Variants in CSMD1 observed in about 807,000 individuals in gnomAD.
The protein encoded by CSMD1 is CUB and sushi domain-containing protein 1.
A neutral mutation model predicts 417.5 loss-of-function variants in CSMD1; 213 were observed. The ratio of observed to expected loss-of-function variants is 0.51; its 90% CI spans 0.46 to 0.57. CSMD1 has a LOEUF of 0.57. Among genes scored for constraint, CSMD1 ranks in the 20% least tolerant of loss-of-function variants. The probability of loss-of-function intolerance (pLI) is 0.00; values close to 1 mark genes in which losing one functional copy is unlikely to be tolerated. For missense variants in CSMD1, 6,923 were observed against 4,529.7 expected (o/e 1.53, Z -15.17); for synonymous variants, 2,862 against 1,736.8 (o/e 1.65, Z -16.11).
intron 2 of CSMD1, among the ~76,000 whole-genome samples, chr8:4,476,253 T>C (rs191064959): frequency 2.6e-5 from 4 of 152,290 alleles, no homozygotes; most frequent in East Asian, 1.9e-4. Context: ...GAAGATATTA[T>C]ACTTTTTATT....
At chr8:3,672,695 T>C (rs1032078959) in intron 7 of CSMD1, among the ~76,000 whole-genome samples, 3 of 152,158 alleles carry the variant, frequency 2.0e-5, no homozygotes, top group African/African-American at 7.2e-5. Flanking sequence ...CTGTCTCCAG[T>C]GATGGGCATG....
intron 46 of CSMD1, among the ~76,000 whole-genome samples, chr8:3,099,476 TTA>T (rs1815578236): frequency 6.6e-6 from 1 of 152,196 alleles, no homozygotes; most frequent in African/African-American, 2.4e-5. Context: ...TAGGCTGACC[TTA>T]TACTAACAAA....
At position 4,481,970 on chromosome 8, in the gene CSMD1, C is replaced by T. The variant is rs1801122959; in HGVS notation, c.303-61905G>A. Among the ~76,000 whole-genome samples, 3 of 152,112 alleles carry T rather than the reference C, an allele frequency of 2.0e-5. No homozygotes were observed. In the South Asian group the frequency reaches 6.2e-4, roughly 31 times the overall value. On this transcript the variant is annotated intron_variant, in intron 2 of 69. Transcript: ENST00000635120. ...CTTTATGATCCATTACTCTTAGCTG[C>T]TATATTATATAGGCTTTATCAGTAC...
chr8:4,676,907 G>C (rs978495234), intron 1 of CSMD1, among the ~76,000 whole-genome samples: 1 of 147,944 alleles, frequency 6.8e-6, no homozygotes, highest in South Asian at 2.1e-4. Flanking sequence ...AGATATACAG[G>C]AATTTTATAT....
intron 7 of CSMD1, among the ~76,000 whole-genome samples, chr8:3,660,580 G>T: frequency 7.9e-6 from 1 of 126,126 alleles, no homozygotes; most frequent in African/African-American, 3.0e-5. Context: ...GAGTGCAGTG[G>T]TGCAATCTCA....
intron 3 of CSMD1, among the ~76,000 whole-genome samples, chr8:4,316,430 G>C (rs888374982): frequency 2.1e-4 from 32 of 152,250 alleles, no homozygotes; most frequent in African/African-American, 7.2e-4. Context: ...ATATTAGGTT[G>C]ATGTGAAATA....
chr8:3,643,440 C>T (rs953216783), intron 7 of CSMD1, among the ~76,000 whole-genome samples: 2 of 152,110 alleles, frequency 1.3e-5, no homozygotes, highest in African/African-American at 4.8e-5. Context: ...CCGTGGCTCA[C>T]GCCTGTAATC....
chr8:2,938,881 A>G (rs1801672966), intron 69 of CSMD1, 137 bp from the exon 70 acceptor site: 1 of 628,912 alleles, frequency 1.6e-6, no homozygotes, highest in Admixed American at 3.0e-5. Context: ...GAAGGCATCC[A>G]CACCTGCACA....
At chr8:4,881,089 C>A (rs1803367337) in intron 1 of CSMD1, among the ~76,000 whole-genome samples, 1 of 152,006 alleles carries the variant, frequency 6.6e-6, no homozygotes, top group Non-Finnish European at 1.5e-5. Flanking sequence ...CTACTCCAGC[C>A]CACATTGTTC....
chr8:3,266,668 A>G (rs1269452661), intron 26 of CSMD1, among the ~76,000 whole-genome samples: 2 of 146,712 alleles, frequency 1.4e-5, no homozygotes, highest in African/African-American at 2.5e-5. Flanking sequence ...CCAGCTACTC[A>G]GGAGGCTAAG....
intron 3 of CSMD1, among the ~76,000 whole-genome samples, chr8:4,151,543 A>G (rs1438388518): frequency 6.6e-6 from 1 of 152,240 alleles, no homozygotes; most frequent in Admixed American, 6.5e-5. Flanking sequence ...ATAGACTTAT[A>G]CCATAACATT....
chr8:4,893,899 G>C (rs1299766971), intron 1 of CSMD1, among the ~76,000 whole-genome samples: 2 of 152,074 alleles, frequency 1.3e-5, no homozygotes, highest in Admixed American at 6.5e-5. Context: ...TTTAACCAAG[G>C]GGGCGGGGCA....
chr8:4,100,905 G>C (rs535482552), intron 3 of CSMD1, among the ~76,000 whole-genome samples: 2 of 152,168 alleles, frequency 1.3e-5, no homozygotes, highest in African/African-American at 2.4e-5. Flanking sequence ...ATAAAGAACA[G>C]AAAGTGGTGT....
chr8:4,665,540 T>G (rs1233496843), intron 1 of CSMD1, among the ~76,000 whole-genome samples: 1 of 152,202 alleles, frequency 6.6e-6, no homozygotes, highest in Non-Finnish European at 1.5e-5. Flanking sequence ...GGGTGGCAGC[T>G]GGTTATCAGT....
chr8:3,970,387 T>C (rs1812998828), intron 5 of CSMD1, among the ~76,000 whole-genome samples: 1 of 152,150 alleles, frequency 6.6e-6, no homozygotes, highest in Admixed American at 6.5e-5. Flanking sequence ...ACAGTAAATC[T>C]GAAACGAGAT....
intron 6 of CSMD1, among the ~76,000 whole-genome samples, chr8:3,719,361 C>G (rs536385855): frequency 6.6e-6 from 1 of 152,200 alleles, no homozygotes; most frequent in South Asian, 2.1e-4. Flanking sequence ...GCCACAGCCT[C>G]GGATTTTTTC....
At chr8:3,930,986 T>C (rs1163214074) in intron 5 of CSMD1, among the ~76,000 whole-genome samples, 1 of 150,644 alleles carries the variant, frequency 6.6e-6, no homozygotes, top group African/African-American at 2.4e-5. Context: ...TGGAATATCA[T>C]CTTATTTAAA....
intron 1 of CSMD1, among the ~76,000 whole-genome samples, chr8:4,666,099 T>C (rs1261500590): frequency 1.3e-5 from 2 of 152,126 alleles, no homozygotes; most frequent in East Asian, 3.9e-4. Context: ...GTAACGTTTC[T>C]GTGGTGACTG....
chr8:3,582,668 C>T (rs574177570), intron 9 of CSMD1, among the ~76,000 whole-genome samples: 26 of 152,236 alleles, frequency 1.7e-4, no homozygotes, highest in African/African-American at 6.0e-4. Flanking sequence ...GTAGAAAATG[C>T]ACACTGGATT....
Sources: gnomAD v4.1 joint callset for allele counts (sites outside exome capture counted in the v4.1 genomes callset) on GRCh38, gnomAD v4.1.1 for gene constraint, MANE v1.5 for transcripts, NCBI Gene and HGNC (gene_info 2026-07-23, HGNC 2026-07-21) for gene names.